Variants in PUM2 observed in about 807,000 individuals in gnomAD.
PUM2 encodes the protein pumilio homolog 2.
Under a neutral mutation model 124.5 loss-of-function variants are expected in PUM2, and 57 were observed. That is an observed-to-expected ratio of 0.46 (90% confidence interval 0.37 to 0.57). PUM2 has a LOEUF of 0.57. Among genes scored for constraint, PUM2 ranks in the 20% least tolerant of loss-of-function variants. PUM2 has a pLI of 0.00. For missense variants in PUM2, 1,065 were observed against 1,290.6 expected (o/e 0.83, Z 2.68); for synonymous variants, 460 against 446.1 (o/e 1.03, Z -0.39).
Position 20,251,477 on chromosome 2 carries a change from C to A in PUM2, c.*108G>T. The A allele has an allele frequency of 4.5e-6, 6 of 1,339,128 alleles. No individual in the cohort carries two copies. The highest frequency in any genetic ancestry group is 1.6e-5 in the South Asian group (1 of 64,298). 83.0% of individuals were successfully genotyped at this position (1,339,128 alleles called of 1,614,324 possible). ...TGAATAAAGTCAATAAATAGTTTTG[C>A]TTTAAAAAAAAATTGAAGATTCATA... On this transcript the variant is annotated 3_prime_UTR_variant, in exon 21 of 21. Transcript: ENST00000361078.
chr2:20,268,248 T>C (rs186889932), intron 13 of PUM2, among the ~76,000 whole-genome samples: 1 of 152,268 alleles, frequency 6.6e-6, no homozygotes, highest in Admixed American at 6.5e-5. Flanking sequence ...TGGGGACTAA[T>C]TAATTAGAAT....
upstream of PUM2, among the ~76,000 whole-genome samples, chr2:20,351,649 G>A (rs147523976): frequency 6.6e-6 from 1 of 152,206 alleles, no homozygotes; most frequent in South Asian, 2.1e-4. Flanking sequence ...GTGATTCCAG[G>A]ATTCTAACCT....
At chr2:20,303,435 GT>G (rs11444507) in intron 7 of PUM2, among the ~76,000 whole-genome samples, 218 of 129,728 alleles carry the variant, frequency 1.7e-3, no homozygotes, top group East Asian at 5.9e-3. Flanking sequence ...AAGCTTTCAA[GT>G]TTTTTTTTTT....
intron 1 of PUM2, among the ~76,000 whole-genome samples, chr2:20,343,229 AAAAC>A (rs1268349229): frequency 6.6e-6 from 1 of 152,224 alleles, no homozygotes; most frequent in Non-Finnish European, 1.5e-5. Context: ...AATATACAAT[AAAAC>A]AAACAAAAAA....
intron 9 of PUM2, among the ~76,000 whole-genome samples, chr2:20,293,238 G>A (rs1319433011): frequency 1.3e-5 from 2 of 152,180 alleles, no homozygotes; most frequent in African/African-American, 2.4e-5. Context: ...CAGGACAAGT[G>A]GGAGTCGTAA....
chr2:20,316,481 A>C (rs1282776418), intron 3 of PUM2, among the ~76,000 whole-genome samples: 1 of 151,982 alleles, frequency 6.6e-6, no homozygotes, highest in Non-Finnish European at 1.5e-5. Flanking sequence ...GCAGAGCTTA[A>C]GCAAACTGTA....
chr2:20,312,436 A>C lies in PUM2; in HGVS notation c.161-13T>G, dbSNP rs1426930315. ...GACATTGAATGGTCTGTTTGGAAGA[A>C]AAAACACAATTATATACTTATACTT... On this transcript the variant is annotated splice_polypyrimidine_tract_variant and intron_variant, in intron 3 of 20. Coordinates refer to ENST00000361078, the MANE Select transcript of PUM2 (RefSeq NM_015317.5). 6.2e-7 allele frequency: 1 copy of C among 1,604,236 alleles called. No homozygotes were observed. The highest frequency in any genetic ancestry group is 1.7e-5 in the Admixed American group (1 of 58,750).
At chr2:20,268,233 G>C (rs915109217) in intron 13 of PUM2, among the ~76,000 whole-genome samples, 4 of 152,162 alleles carry the variant, frequency 2.6e-5, no homozygotes, top group African/African-American at 9.7e-5. Flanking sequence ...TCTGATAGAA[G>C]AGTATGGGGA....
Position 20,312,357 on chromosome 2 carries a change from T to C in PUM2, c.227A>G (p.Glu76Gly). The C allele has an allele frequency of 6.2e-7, 1 of 1,613,606 alleles. No individual in the cohort carries two copies. Among genetic ancestry groups the C allele is most frequent in the Non-Finnish European group, 8.5e-7 (1 of 1,179,590 alleles). The stretch of plus-strand genomic sequence containing the variant: ...TCGCGGAGACAGTATTGCATTTACT[T>C]CACTGTTTCCATGAAAACCCTGTCC... The part of the protein sequence containing the change: ...RSGQGFHGNS[E>G]VNAILSPRSE... The change falls in exon 4 of 21, where the codon GAA (glutamate) becomes GGA (glycine). Residue 76 changes from glutamate (E) to glycine (G), a missense_variant. Physicochemically the swap from Glu to Gly is moderately conservative, Grantham distance 98. Coordinates refer to ENST00000361078, the MANE Select transcript of PUM2 (RefSeq NM_015317.5).
At chr2:20,344,411 C>T (rs1244676040) in intron 1 of PUM2, among the ~76,000 whole-genome samples, 5 of 152,294 alleles carry the variant, frequency 3.3e-5, no homozygotes, top group Admixed American at 1.3e-4. Context: ...TAATATAATC[C>T]AGGAAAACTA....
chr2:20,349,659 G>A (rs763830496), intron 1 of PUM2, among the ~76,000 whole-genome samples: 1 of 151,932 alleles, frequency 6.6e-6, no homozygotes, highest in African/African-American at 2.4e-5. Flanking sequence ...TATTAAAATT[G>A]TTTTCTTGAC....
chr2:20,254,142 A>G, intron 19 of PUM2, 128 bp from the exon 20 acceptor site: 4 of 801,522 alleles, frequency 5.0e-6, no homozygotes, highest in Non-Finnish European at 7.7e-6. Context: ...CTCTTGTCTT[A>G]TGATTACTTT....
intron 7 of PUM2, among the ~76,000 whole-genome samples, chr2:20,307,363 A>G (rs1678585803): frequency 6.6e-6 from 1 of 151,980 alleles, no homozygotes; most frequent in Non-Finnish European, 1.5e-5. Context: ...AGACAAAATC[A>G]GACAGGCATA....
chr2:20,282,371 G>C (rs1671738813), intron 12 of PUM2, among the ~76,000 whole-genome samples: 1 of 152,182 alleles, frequency 6.6e-6, no homozygotes, highest in Admixed American at 6.5e-5. Flanking sequence ...TGAATTTTTA[G>C]TGACAAAGGC....
intron 13 of PUM2, among the ~76,000 whole-genome samples, chr2:20,265,167 G>A (rs1010571372): frequency 2.0e-5 from 3 of 151,314 alleles, no homozygotes; most frequent in African/African-American, 4.9e-5. Context: ...CAGGAGAATC[G>A]CTTGAACCCG....
chr2:20,291,322 T>C (rs941290791), intron 9 of PUM2, among the ~76,000 whole-genome samples: 1 of 152,236 alleles, frequency 6.6e-6, no homozygotes, highest in Non-Finnish European at 1.5e-5. Context: ...AGTCAGCCTC[T>C]GTCCAGAGCT....
At chr2:20,311,990 T>C (rs1030050938) in intron 4 of PUM2, among the ~76,000 whole-genome samples, 3 of 152,184 alleles carry the variant, frequency 2.0e-5, no homozygotes, top group African/African-American at 7.2e-5. Flanking sequence ...AATTTTAATT[T>C]TACAGATTAT....
At chr2:20,273,607 G>A (rs900288909) in intron 13 of PUM2, among the ~76,000 whole-genome samples, 1 of 152,086 alleles carries the variant, frequency 6.6e-6, no homozygotes, top group South Asian at 2.1e-4. Context: ...AACTAGTAAC[G>A]TAATTTCTTC....
chr2:20,268,724 G>T (rs1408635937), intron 13 of PUM2, among the ~76,000 whole-genome samples: 1 of 152,084 alleles, frequency 6.6e-6, no homozygotes, highest in Non-Finnish European at 1.5e-5. Context: ...ATATAAAACA[G>T]AAGTTACAGA....
Sources: allele counts gnomAD v4.1 joint callset (sites outside exome capture counted in the v4.1 genomes callset), GRCh38; gene constraint gnomAD v4.1.1; transcripts MANE v1.5; gene names NCBI Gene and HGNC (gene_info 2026-07-23, HGNC 2026-07-21).